Variants in SPHKAP observed in about 807,000 individuals in gnomAD.
SPHKAP encodes A-kinase anchor protein SPHKAP.
SPHKAP carries 67 observed loss-of-function variants against 137.5 expected under a neutral mutation model. The observed-to-expected ratio is 0.49, with a 90% CI of 0.40 to 0.60. The LOEUF (loss-of-function observed/expected upper bound fraction) is 0.60. SPHKAP is among the 20% of genes least tolerant of loss of function. SPHKAP has a pLI of 0.00. For synonymous variants in SPHKAP, 813 were observed against 785.3 expected (o/e 1.04, Z -0.59); for missense variants, 2,097 against 2,069.3 (o/e 1.01, Z -0.26).
At chr2:228,014,486 C>T (rs1227033755) in intron 7 of SPHKAP, among the ~76,000 whole-genome samples, 6 of 152,154 alleles carry the variant, frequency 3.9e-5, no homozygotes, top group Non-Finnish European at 7.3e-5. Flanking sequence ...TTAGCTCTGC[C>T]TACCTCATTT....
chr2:227,991,748 A>G, intron 9 of SPHKAP: 1 of 889,890 alleles, frequency 1.1e-6, no homozygotes, highest in Non-Finnish European at 1.3e-6. Flanking sequence ...TCTTGTCACA[A>G]TTTTTTTTCT....
intron 2 of SPHKAP, among the ~76,000 whole-genome samples, chr2:228,123,471 G>A (rs1279541862): frequency 6.6e-6 from 1 of 152,128 alleles, no homozygotes; most frequent in Admixed American, 6.5e-5. Context: ...CAATAATGCT[G>A]ATCTTTCTTT....
intron 3 of SPHKAP, among the ~76,000 whole-genome samples, chr2:228,063,965 T>C (rs1405193801): frequency 2.0e-5 from 3 of 152,224 alleles, no homozygotes; most frequent in Admixed American, 1.3e-4. Context: ...CTCCATACTA[T>C]GGTTTTGAGG....
At chr2:228,068,372 AAAC>A (rs1274494156) in intron 3 of SPHKAP, among the ~76,000 whole-genome samples, 3 of 152,256 alleles carry the variant, frequency 2.0e-5, no homozygotes, top group Middle Eastern at 3.4e-3. Context: ...TAGAAAAAAA[AAAC>A]AACACCTTAA....
At position 228,017,361 on chromosome 2, in the gene SPHKAP, G is replaced by T. The variant is rs974372785; in HGVS notation, c.3493C>A (p.Gln1165Lys). The stretch of plus-strand genomic sequence containing the variant: ...TGGTCACTTTTCCGGCACGCCTGTT[G>T]CATGGCTGAGTTCAGAATGCTGCTG... ...NASSILNSAM[Q>K]QACRKSDHLS... Residue 1165 changes from glutamine to lysine, a missense_variant, in exon 7 of 12, where the codon CAA becomes AAA. Transcript: ENST00000392056. 6.2e-7 allele frequency: 1 copy of T among 1,613,746 alleles called. No homozygotes were observed. The highest frequency in any genetic ancestry group is 1.7e-5 in the Admixed American group (1 of 60,002).
At chr2:228,059,537 G>C (rs1158868106) in intron 3 of SPHKAP, among the ~76,000 whole-genome samples, 1 of 152,210 alleles carries the variant, frequency 6.6e-6, no homozygotes, top group African/African-American at 2.4e-5. Flanking sequence ...TACCAGGAGA[G>C]AGGGAGGGAA....
intron 7 of SPHKAP, among the ~76,000 whole-genome samples, chr2:228,001,115 G>A (rs113434836): frequency 5.5e-4 from 84 of 151,570 alleles, no homozygotes; most frequent in African/African-American, 1.9e-3. Context: ...GTTTTGATTT[G>A]CAAGTCCATA....
At chr2:228,053,884 C>T (rs949745517) in intron 3 of SPHKAP, among the ~76,000 whole-genome samples, 1 of 152,074 alleles carries the variant, frequency 6.6e-6, no homozygotes, top group Non-Finnish European at 1.5e-5. Context: ...TGGTTTTATA[C>T]ATTGTTTGTT....
At chr2:228,152,733 G>A (rs529934206) in intron 1 of SPHKAP, among the ~76,000 whole-genome samples, 21 of 135,738 alleles carry the variant, frequency 1.5e-4, no homozygotes, top group Non-Finnish European at 2.7e-4. Flanking sequence ...TTTTTTTTTA[G>A]TAGTTATCCT....
intron 3 of SPHKAP, among the ~76,000 whole-genome samples, chr2:228,048,912 A>T (rs1038644241): frequency 1.3e-5 from 2 of 152,154 alleles, no homozygotes; most frequent in African/African-American, 4.8e-5. Flanking sequence ...TGTTTGCAGA[A>T]TGACAAAATC....
At chr2:228,178,239 A>G (rs1700796469) in intron 1 of SPHKAP, among the ~76,000 whole-genome samples, 1 of 152,194 alleles carries the variant, frequency 6.6e-6, no homozygotes, top group Non-Finnish European at 1.5e-5. Context: ...AATTTTGTGG[A>G]TGACCTAGCT....
At chr2:228,012,491 C>G (rs1694427462) in intron 7 of SPHKAP, among the ~76,000 whole-genome samples, 1 of 152,122 alleles carries the variant, frequency 6.6e-6, no homozygotes, top group Non-Finnish European at 1.5e-5. Flanking sequence ...AACATCCTAT[C>G]TAAGTAGCCA....
intron 3 of SPHKAP, among the ~76,000 whole-genome samples, chr2:228,046,075 C>T (rs912390445): frequency 6.6e-6 from 1 of 151,820 alleles, no homozygotes. Flanking sequence ...TTCATCCCAC[C>T]CCCTACACAC....
intron 3 of SPHKAP, among the ~76,000 whole-genome samples, chr2:228,042,190 C>T (rs1040229442): frequency 6.6e-6 from 1 of 152,168 alleles, no homozygotes; most frequent in Non-Finnish European, 1.5e-5. Context: ...GACCAATGGG[C>T]TCTGTGAGTA....
chr2:228,020,395 A>G (rs891783523), intron 6 of SPHKAP: 16 of 180,270 alleles, frequency 8.9e-5, no homozygotes, highest in South Asian at 5.6e-4. Context: ...CCATAAAAAA[A>G]GGATGAGTTC....
chr2:228,140,448 A>G (rs13420482), intron 1 of SPHKAP, among the ~76,000 whole-genome samples: 10,681 of 152,124 alleles, frequency 0.07, 1,168 homozygotes, highest in African/African-American at 0.23. Flanking sequence ...ATACTCTGAT[A>G]TATGATCTTC....
intron 3 of SPHKAP, among the ~76,000 whole-genome samples, chr2:228,028,366 A>G (rs1574769540): frequency 2.6e-5 from 4 of 152,178 alleles, no homozygotes. Flanking sequence ...TAACCTTGTT[A>G]TACAATTTGC....
intron 2 of SPHKAP, 133 bp from the exon 3 acceptor site, chr2:228,109,072 GA>G (rs1302771634): frequency 5.0e-6 from 3 of 596,800 alleles, no homozygotes; most frequent in Non-Finnish European, 8.0e-6. Context: ...CTGGGTGTTA[GA>G]AAAAAACTTG....
chr2:228,025,357 A>T (rs1694994914), intron 5 of SPHKAP, 37 bp downstream of exon 5: 1 of 1,611,188 alleles, frequency 6.2e-7, no homozygotes, highest in Admixed American at 1.7e-5. Context: ...CTAACTATAG[A>T]TGTAAGTAAA....
Sources: allele counts gnomAD v4.1 joint callset (sites outside exome capture counted in the v4.1 genomes callset), GRCh38; gene constraint gnomAD v4.1.1; transcripts MANE v1.5; gene names NCBI Gene and HGNC (gene_info 2026-07-23, HGNC 2026-07-21).